KLF13: variants seen among roughly 807,000 people sequenced by gnomAD.
KLF13 encodes Krueppel-like factor 13.
A neutral mutation model predicts 16.7 loss-of-function variants in KLF13; 8 were observed. The ratio of observed to expected loss-of-function variants is 0.48; its 90% CI spans 0.28 to 0.87. The LOEUF is 0.87. Ranked by LOEUF, KLF13 falls within the 40% of genes least tolerant of loss-of-function variation. The probability of loss-of-function intolerance (pLI) is 0.10; values close to 1 mark genes in which losing one functional copy is unlikely to be tolerated. For missense variants in KLF13, 447 were observed against 452.2 expected (o/e 0.99, Z 0.10); for synonymous variants, 245 against 208.4 (o/e 1.18, Z -1.51).
intron 1 of KLF13, among the ~76,000 whole-genome samples, chr15:31,340,149 G>A (rs941081846): frequency 6.6e-5 from 10 of 152,186 alleles, no homozygotes; most frequent in Admixed American, 6.5e-5. Context: ...CCCTTCTCAC[G>A]ACTGAGGCAG....
At chr15:31,330,967 T>C (rs1447965825) in intron 1 of KLF13, among the ~76,000 whole-genome samples, 1 of 152,218 alleles carries the variant, frequency 6.6e-6, no homozygotes, top group East Asian at 1.9e-4. Flanking sequence ...TAGGTCAGGC[T>C]GGGGCCCTCT....
At chr15:31,341,465 T>C (rs2140939312) in intron 1 of KLF13, among the ~76,000 whole-genome samples, 1 of 152,318 alleles carries the variant, frequency 6.6e-6, no homozygotes, top group African/African-American at 2.4e-5. Flanking sequence ...CTGTCTTCTC[T>C]TTTGAAAAGA....
intron 1 of KLF13, among the ~76,000 whole-genome samples, chr15:31,425,420 A>G (rs905159575): frequency 2.6e-5 from 4 of 152,238 alleles, no homozygotes; most frequent in Non-Finnish European, 5.9e-5. Flanking sequence ...TGATACTGGC[A>G]TAAAGACCTA....
intron 1 of KLF13, among the ~76,000 whole-genome samples, chr15:31,385,480 G>A (rs2039784375): frequency 6.6e-6 from 1 of 152,154 alleles, no homozygotes; most frequent in Admixed American, 6.5e-5. Flanking sequence ...CAAGTCTATT[G>A]GTGCCATTTT....
rs567674208 is a variant in KLF13, at chr15:31,347,572, A to G, written c.577+19783A>G. The stretch of plus-strand genomic sequence containing the variant: ...CTCTGCCTTGGAGGTGCTGCTCATG[A>G]GGGACGAGGGCATCCTATGGCAGGC... On this transcript the variant is annotated intron_variant, in intron 1 of 1. Coordinates refer to ENST00000307145, the MANE Select transcript of KLF13 (RefSeq NM_015995.4). Among the ~76,000 whole-genome samples, 5 of 152,290 alleles carry G rather than the reference A, an allele frequency of 3.3e-5. No individual in the cohort carries two copies. The East Asian group carries it at 9.6e-4, about 29-fold the overall frequency.
At chr15:31,405,163 A>G (rs940844890), downstream of KLF13, among the ~76,000 whole-genome samples, 1 of 152,096 alleles carries the variant, frequency 6.6e-6, no homozygotes, top group African/African-American at 2.4e-5. Flanking sequence ...GCCTTAGAAA[A>G]CAAGAGCCTG....
intron 1 of KLF13, among the ~76,000 whole-genome samples, chr15:31,434,774 C>T (rs2040510347): frequency 1.3e-5 from 2 of 152,224 alleles, no homozygotes; most frequent in African/African-American, 4.8e-5. Context: ...CCCACGCCTC[C>T]CTGCCCCAGC....
At chr15:31,350,227 C>T (rs115101607) in intron 1 of KLF13, among the ~76,000 whole-genome samples, 4,152 of 152,316 alleles carry the variant, frequency 0.027, 189 homozygotes, top group African/African-American at 0.095. Context: ...CCTGGACCCA[C>T]GGATCCTGGA....
At chr15:31,407,838 T>G (rs772523452), downstream of KLF13, among the ~76,000 whole-genome samples, 93 of 152,174 alleles carry the variant, frequency 6.1e-4, no homozygotes, top group Admixed American at 1.1e-3. Context: ...TTGGAAACAT[T>G]TTGCACCCAT....
At chr15:31,423,385 G>A (rs367671661) in intron 1 of KLF13, among the ~76,000 whole-genome samples, 10 of 151,216 alleles carry the variant, frequency 6.6e-5, no homozygotes, top group East Asian at 2.0e-4. Flanking sequence ...TAATCCCAGC[G>A]CTTTGGGAGG....
At chr15:31,349,629 G>C (rs2039184420) in intron 1 of KLF13, among the ~76,000 whole-genome samples, 1 of 152,204 alleles carries the variant, frequency 6.6e-6, no homozygotes, top group African/African-American at 2.4e-5. Flanking sequence ...TTAGTGCCTA[G>C]CATGCAGTGG....
At chr15:31,356,692 G>T (rs1213824010) in intron 1 of KLF13, among the ~76,000 whole-genome samples, 1 of 152,234 alleles carries the variant, frequency 6.6e-6, no homozygotes, top group Non-Finnish European at 1.5e-5. Context: ...GTTTCTCTGG[G>T]TTGAATCATA....
chr15:31,378,150 G>A (rs565786963), downstream of KLF13, among the ~76,000 whole-genome samples: 1 of 152,286 alleles, frequency 6.6e-6, no homozygotes, highest in Admixed American at 6.5e-5. Context: ...CCGTCCATCC[G>A]AAAGAGCACG....
chr15:31,403,770 T>G lies in KLF13; in HGVS notation n.872T>G, dbSNP rs188237350. The stretch of plus-strand genomic sequence containing the variant: ...TAAACTGCTCTCTTGCTTAAGCCAC[T>G]ATTATGTTAGGATTTTTTCAACCCA... On this transcript the variant is annotated non_coding_transcript_exon_variant, in exon 3 of 3. Transcript: ENST00000500533. The G allele has an allele frequency of 5.9e-5, 9 of 152,356 alleles. No homozygotes were observed. The East Asian group carries it at 1.7e-3, about 29-fold the overall frequency. 9.4% of individuals were successfully genotyped at this position (152,356 alleles called of 1,614,324 possible).
intron 1 of KLF13, among the ~76,000 whole-genome samples, chr15:31,341,501 C>CT (rs35489650): frequency 0.016 from 1,889 of 117,006 alleles, 43 homozygotes; most frequent in African/African-American, 0.048. Flanking sequence ...AATTCAGAAT[C>CT]TTTTTTTTTT....
Position 31,374,902 on chromosome 15 carries a change from C to G in KLF13, c.*2603C>G, listed in dbSNP as rs1031204646. 1.3e-5 allele frequency: 2 copies of G among 152,370 alleles called. No homozygotes were observed. The highest frequency in any genetic ancestry group is 2.9e-5 in the Non-Finnish European group (2 of 67,994). The allele number at this position is 152,370 out of a possible 1,614,324, so 9.4% of individuals were successfully genotyped here. ...GTGTTGGCTGTTTCCAAAGAGAGCA[C>G]TTAATTTAATTTTTCCTTTAAATGA... On this transcript the variant is annotated 3_prime_UTR_variant, in exon 2 of 2. Transcript: ENST00000307145.
At chr15:31,387,363 A>C (rs1445666139) in intron 1 of KLF13, among the ~76,000 whole-genome samples, 1 of 152,272 alleles carries the variant, frequency 6.6e-6, no homozygotes, top group Non-Finnish European at 1.5e-5. Flanking sequence ...AGCAGGAAAA[A>C]GACCAAAACT....
chr15:31,403,127 A>G (rs1720969942), intron 2 of KLF13, among the ~76,000 whole-genome samples: 1 of 152,150 alleles, frequency 6.6e-6, no homozygotes, highest in African/African-American at 2.4e-5. Flanking sequence ...TTGATCCCCA[A>G]AATGTTTGAG....
intron 1 of KLF13, among the ~76,000 whole-genome samples, chr15:31,350,089 C>T (rs987059707): frequency 6.6e-6 from 1 of 152,194 alleles, no homozygotes; most frequent in African/African-American, 2.4e-5. Context: ...AGAAAATGGC[C>T]CCTAACCCTC....
Sources: allele counts gnomAD v4.1 joint callset (sites outside exome capture counted in the v4.1 genomes callset), GRCh38; gene constraint gnomAD v4.1.1; transcripts MANE v1.5; gene names NCBI Gene and HGNC (gene_info 2026-07-23, HGNC 2026-07-21).